GPM6B: variants seen among roughly 807,000 people sequenced by gnomAD.
The protein encoded by GPM6B is glycoprotein M6B, also known as neuronal membrane glycoprotein M6-b.
In GPM6B, 4 loss-of-function variants were observed where a neutral mutation model predicts 27.2. The ratio of observed to expected loss-of-function variants is 0.15; its 90% CI spans 0.07 to 0.34. The LOEUF (loss-of-function observed/expected upper bound fraction) is 0.34, where lower values mean the gene tolerates loss of function less well. Among genes scored for constraint, GPM6B ranks in the 10% least tolerant of loss-of-function variants. GPM6B has a pLI of 1.00. For missense variants in GPM6B, 183 were observed against 261.9 expected, an observed-to-expected ratio of 0.70 and a Z score of 2.08; for synonymous variants, 124 against 103.1, an observed-to-expected ratio of 1.20 and a Z score of -1.23.
chrX:13,812,496 C>A (rs1303499567), intron 1 of GPM6B, among the ~76,000 whole-genome samples: 1 of 111,978 alleles, frequency 8.9e-6, no homozygotes, highest in African/African-American at 3.3e-5. Context: ...CCAACTATCT[C>A]CCATGTATGT....
At chrX:13,935,550 G>A (rs1472796953) in intron 1 of GPM6B, among the ~76,000 whole-genome samples, 1 of 111,173 alleles carries the variant, frequency 9.0e-6, no homozygotes, top group East Asian at 2.8e-4. Flanking sequence ...ACAATTATAG[G>A]CAAAGAAACA....
chrX:13,921,867 G>A (rs1003941415), intron 1 of GPM6B, among the ~76,000 whole-genome samples: 3 of 111,833 alleles, frequency 2.7e-5, no homozygotes, highest in Admixed American at 9.5e-5. Flanking sequence ...GTGAGCCACC[G>A]TGCCCGGCCT....
intron 1 of GPM6B, among the ~76,000 whole-genome samples, chrX:13,839,555 C>A (rs1044731371): frequency 5.4e-5 from 6 of 111,222 alleles, no homozygotes; most frequent in African/African-American, 1.6e-4. Flanking sequence ...GGGACCGAGT[C>A]TCCAGTCATT....
chrX:13,921,943 G>C (rs1253109599), intron 1 of GPM6B, among the ~76,000 whole-genome samples: 1 of 111,592 alleles, frequency 9.0e-6, no homozygotes, highest in Non-Finnish European at 1.9e-5. Context: ...GGAAGGGGTA[G>C]TACCTTTTAG....
intron 1 of GPM6B, among the ~76,000 whole-genome samples, chrX:13,860,744 T>G (rs1268405791): frequency 9.1e-6 from 1 of 110,206 alleles, no homozygotes; most frequent in Non-Finnish European, 1.9e-5. Context: ...CCAAGCAGTG[T>G]ACACTGTACC....
At chrX:13,820,688 C>G (rs2049297916), upstream of GPM6B, among the ~76,000 whole-genome samples, 1 of 111,301 alleles carries the variant, frequency 9.0e-6, no homozygotes. Flanking sequence ...TAGCTTTAAC[C>G]ACGACTCAAC....
At chrX:13,807,574 C>G in intron 2 of GPM6B, 76 bp downstream of exon 2, 1 of 823,488 alleles carries the variant, frequency 1.2e-6, no homozygotes, top group Admixed American at 3.1e-5. Context: ...TATCACCAAG[C>G]TGCAAGAGCC....
At chrX:13,793,671 C>T (rs1284328595) in intron 2 of GPM6B, among the ~76,000 whole-genome samples, 1 of 112,114 alleles carries the variant, frequency 8.9e-6, no homozygotes, top group African/African-American at 3.2e-5. Context: ...CTCCATTTTT[C>T]CTACACATTG....
upstream of GPM6B, among the ~76,000 whole-genome samples, chrX:13,821,866 A>T (rs112602354): frequency 1.8e-5 from 2 of 112,070 alleles, no homozygotes; most frequent in African/African-American, 6.5e-5. Flanking sequence ...AAGTGCTGGG[A>T]TTACAGGCAT....
intron 1 of GPM6B, among the ~76,000 whole-genome samples, chrX:13,916,230 C>T: frequency 8.9e-6 from 1 of 111,749 alleles, no homozygotes; most frequent in East Asian, 2.8e-4. Context: ...TGAAAGAGTG[C>T]CATAAAGGCA....
chrX:13,860,818 G>A (rs943623777), intron 1 of GPM6B, among the ~76,000 whole-genome samples: 6 of 107,825 alleles, frequency 5.6e-5, no homozygotes, highest in African/African-American at 2.0e-4. Flanking sequence ...AAATCCCAGT[G>A]TATCATTCTT....
At chrX:13,822,589 C>T (rs888372797) in intron 1 of GPM6B, among the ~76,000 whole-genome samples, 1 of 106,805 alleles carries the variant, frequency 9.4e-6, no homozygotes, top group African/African-American at 3.4e-5. Context: ...ATTGGCCAGA[C>T]GTTCTCAAAC....
chrX:13,781,096 A>C (rs2048508002), intron 4 of GPM6B: 1 of 211,994 alleles, frequency 4.7e-6, no homozygotes, highest in Non-Finnish European at 9.1e-6. Flanking sequence ...TTTCCCTTCA[A>C]AAGAAAACAG....
intron 1 of GPM6B, among the ~76,000 whole-genome samples, chrX:13,852,515 G>A (rs948498602): frequency 3.6e-5 from 4 of 111,402 alleles, no homozygotes; most frequent in Non-Finnish European, 5.6e-5. Flanking sequence ...ACTTTTAATA[G>A]TTATTCAGAG....
intron 1 of GPM6B, among the ~76,000 whole-genome samples, chrX:13,936,620 A>G (rs1365962774): frequency 3.6e-5 from 4 of 112,617 alleles, no homozygotes; most frequent in Non-Finnish European, 7.5e-5. Context: ...CATGAAGGGA[A>G]CTTTCTTTTT....
chrX:13,787,790 T>G (rs1376059874), intron 2 of GPM6B, among the ~76,000 whole-genome samples: 1 of 111,786 alleles, frequency 8.9e-6, no homozygotes, highest in Admixed American at 9.5e-5. Context: ...TATCTCATTA[T>G]AAAGAGAAAA....
chrX:13,923,836 T>C (rs919708000), intron 1 of GPM6B, among the ~76,000 whole-genome samples: 2 of 112,543 alleles, frequency 1.8e-5, no homozygotes, highest in African/African-American at 3.2e-5. Context: ...ATTTTTCTTA[T>C]AGAAGAAATC....
At chrX:13,838,814 C>T (rs2049536937) in intron 1 of GPM6B, among the ~76,000 whole-genome samples, 1 of 111,646 alleles carries the variant, frequency 9.0e-6, no homozygotes, top group Admixed American at 9.5e-5. Context: ...GAGGCCTAGA[C>T]ATTGTCCCTC....
intron 1 of GPM6B, among the ~76,000 whole-genome samples, chrX:13,856,874 A>G (rs1157609051): frequency 1.8e-5 from 2 of 110,123 alleles, no homozygotes; most frequent in Non-Finnish European, 3.8e-5. Context: ...TACTTTTTGT[A>G]TATTTTGTAG....
Sources: gnomAD v4.1 joint callset for allele counts (sites outside exome capture counted in the v4.1 genomes callset) on GRCh38, gnomAD v4.1.1 for gene constraint, MANE v1.5 for transcripts, NCBI Gene and HGNC (gene_info 2026-07-23, HGNC 2026-07-21) for gene names.